LDLRAD3: variants seen among roughly 807,000 people sequenced by gnomAD.
The protein encoded by LDLRAD3 is low-density lipoprotein receptor class A domain-containing protein 3.
LDLRAD3 carries 20 observed loss-of-function variants against 29.4 expected under a neutral mutation model. That is an observed-to-expected ratio of 0.68 (90% CI 0.48 to 0.99). The LOEUF (loss-of-function observed/expected upper bound fraction) is 0.99, where lower values mean the gene tolerates loss of function less well. Among genes scored for constraint, LDLRAD3 ranks in the 50% least tolerant of loss-of-function variants. LDLRAD3 has a pLI of 0.00. For missense variants in LDLRAD3, 420 were observed against 454.3 expected, an observed-to-expected ratio of 0.92 and a Z score of 0.69; for synonymous variants, 157 against 192.7, an observed-to-expected ratio of 0.81 and a Z score of 1.53.
intron 4 of LDLRAD3, among the ~76,000 whole-genome samples, chr11:36,161,575 G>GGGAT (rs145773800): frequency 0.057 from 8,589 of 151,526 alleles, 400 homozygotes; most frequent in East Asian, 0.25. Context: ...GATTCATTTT[G>GGGAT]GGATGGATGG....
chr11:36,170,678 A>G (rs1470609683), intron 4 of LDLRAD3, among the ~76,000 whole-genome samples: 1 of 152,058 alleles, frequency 6.6e-6, no homozygotes, highest in Non-Finnish European at 1.5e-5. Flanking sequence ...TTATCTTTTG[A>G]TGTTTTAATG....
At chr11:36,020,530 ACT>A (rs59072630) in intron 1 of LDLRAD3, among the ~76,000 whole-genome samples, 6,370 of 152,098 alleles carry the variant, frequency 0.042, 179 homozygotes, top group South Asian at 0.11. Flanking sequence ...TTCGATAGAC[ACT>A]CTGTTGTGGG....
At chr11:36,140,992 TTCTCTCTCTCTCTCTC>T (rs557939353) in intron 4 of LDLRAD3, among the ~76,000 whole-genome samples, 149 of 110,056 alleles carry the variant, frequency 1.4e-3, no homozygotes, top group African/African-American at 3.9e-3. Flanking sequence ...CTGTTGAGCT[TTCTCTCTCTCTCTCTC>T]TCTCTCTCTC....
intron 1 of LDLRAD3, among the ~76,000 whole-genome samples, chr11:35,998,903 G>A (rs59678999): frequency 0.017 from 2,537 of 152,224 alleles, 71 homozygotes; most frequent in African/African-American, 0.058. Context: ...TTGATCATTG[G>A]TATGAGTCCT....
At chr11:36,194,383 T>C (rs1590346135) in intron 4 of LDLRAD3, among the ~76,000 whole-genome samples, 1 of 152,264 alleles carries the variant, frequency 6.6e-6, no homozygotes, top group East Asian at 1.9e-4. Flanking sequence ...GATCAGAACT[T>C]CTAAGGGGCC....
intron 4 of LDLRAD3, among the ~76,000 whole-genome samples, chr11:36,192,729 G>A (rs1854972822): frequency 6.6e-6 from 1 of 152,188 alleles, no homozygotes; most frequent in African/African-American, 2.4e-5. Context: ...AATGCAGAAT[G>A]TGTTACCGGA....
chr11:36,063,655 C>T (rs544109709), intron 2 of LDLRAD3, among the ~76,000 whole-genome samples: 1 of 152,246 alleles, frequency 6.6e-6, no homozygotes, highest in African/African-American at 2.4e-5. Flanking sequence ...GTTGTTTCAG[C>T]CATTTGTTGA....
rs570948933 is a variant in LDLRAD3 at position 36,021,095 on chromosome 11, C to T, written c.47-15008C>T. Reference sequence around the variant, plus strand: ...GAGCAGCTTTAGAAGAAAACCCCAACATTCTGTTTTGGACATGCTGAGCTT... The same window carrying T: ...GAGCAGCTTTAGAAGAAAACCCCAATATTCTGTTTTGGACATGCTGAGCTT... On this transcript the variant is annotated intron_variant, in intron 1 of 5. Transcript: ENST00000315571. 8.5e-5 allele frequency among the ~76,000 whole-genome samples: 13 copies of T among 152,252 alleles called. No homozygotes were observed. The South Asian group carries it at 1.7e-3, about 19-fold the overall frequency.
At chr11:35,978,674 A>G (rs1851504236) in intron 1 of LDLRAD3, among the ~76,000 whole-genome samples, 1 of 152,222 alleles carries the variant, frequency 6.6e-6, no homozygotes, top group Admixed American at 6.5e-5. Context: ...TGCTTTACCT[A>G]GAGCAGATTA....
At chr11:36,204,792 G>A (rs904622628) in intron 4 of LDLRAD3, among the ~76,000 whole-genome samples, 3 of 152,122 alleles carry the variant, frequency 2.0e-5, no homozygotes, top group Non-Finnish European at 4.4e-5. Flanking sequence ...CCGGCCTGGA[G>A]TTTCTTCTTT....
intron 4 of LDLRAD3, among the ~76,000 whole-genome samples, chr11:36,168,514 T>TC (rs957102846): frequency 4.8e-5 from 7 of 145,880 alleles, no homozygotes; most frequent in African/African-American, 1.7e-4. Flanking sequence ...TTTTTTTTTT[T>TC]TTTTTACTGC....
chr11:36,220,309 G>C (rs1855410955), intron 4 of LDLRAD3, among the ~76,000 whole-genome samples: 1 of 152,080 alleles, frequency 6.6e-6, no homozygotes, highest in Non-Finnish European at 1.5e-5. Flanking sequence ...TTAAACATAT[G>C]CTTCCCATAT....
intron 4 of LDLRAD3, among the ~76,000 whole-genome samples, chr11:36,103,678 G>A (rs1023459408): frequency 6.6e-6 from 1 of 152,174 alleles, no homozygotes; most frequent in Admixed American, 6.5e-5. Flanking sequence ...CCTTTTCCAC[G>A]CCCATCCCAG....
intron 4 of LDLRAD3, among the ~76,000 whole-genome samples, chr11:36,198,587 G>C (rs1165299683): frequency 6.6e-6 from 1 of 152,132 alleles, no homozygotes; most frequent in Non-Finnish European, 1.5e-5. Flanking sequence ...TCCCACTCCT[G>C]CCTCTGCATG....
At chr11:36,106,457 ATATGTATC>A (rs1376846316) in intron 4 of LDLRAD3, among the ~76,000 whole-genome samples, 1 of 152,158 alleles carries the variant, frequency 6.6e-6, no homozygotes, top group African/African-American at 2.4e-5. Flanking sequence ...CAGTGAATAT[ATATGTATC>A]TATGAGAAGA....
intron 3 of LDLRAD3, among the ~76,000 whole-genome samples, chr11:36,097,741 A>G (rs191116705): frequency 3.0e-4 from 46 of 152,326 alleles, no homozygotes; most frequent in Admixed American, 1.2e-3. Context: ...TGAGTAATGG[A>G]CACCTGAATA....
intron 3 of LDLRAD3, among the ~76,000 whole-genome samples, chr11:36,091,033 G>A (rs2133266350): frequency 1.3e-5 from 2 of 152,264 alleles, no homozygotes; most frequent in South Asian, 4.1e-4. Context: ...CTCCTTCAGT[G>A]GGCTCTGGTT....
At chr11:36,107,856 G>T (rs182343124) in intron 4 of LDLRAD3, among the ~76,000 whole-genome samples, 3 of 152,260 alleles carry the variant, frequency 2.0e-5, no homozygotes, top group Admixed American at 1.3e-4. Flanking sequence ...CTGTATTTTT[G>T]ATTGCTACTG....
intron 1 of LDLRAD3, among the ~76,000 whole-genome samples, chr11:35,946,737 TTCCCAGGAGTGAGTGTAC>T (rs1306064421): frequency 2.0e-5 from 3 of 152,184 alleles, no homozygotes; most frequent in East Asian, 1.9e-4. Flanking sequence ...AGGCTTGATT[TTCCCAGGAGTGAGTGTAC>T]TCCCAGGAGT....
Sources: allele counts gnomAD v4.1 joint callset (sites outside exome capture counted in the v4.1 genomes callset), GRCh38; gene constraint gnomAD v4.1.1; transcripts MANE v1.5; gene names NCBI Gene and HGNC (gene_info 2026-07-23, HGNC 2026-07-21).